Variants in SLC9A9 observed in about 807,000 individuals in gnomAD.
The protein encoded by SLC9A9 is sodium/hydrogen exchanger 9.
SLC9A9 carries 62 observed loss-of-function variants against 77.8 expected under a neutral mutation model. The observed-to-expected ratio is 0.80, with a 90% CI of 0.65 to 0.98. The LOEUF is 0.98. Among genes scored for constraint, SLC9A9 ranks in the 50% least tolerant of loss-of-function variants. The pLI is 0.00. For synonymous variants in SLC9A9, 320 were observed against 283.5 expected (o/e 1.13, Z -1.29); for missense variants, 775 against 774.9 (o/e 1.00, Z 0.00).
intron 6 of SLC9A9, among the ~76,000 whole-genome samples, chr3:143,641,281 T>C (rs2038616773): frequency 6.6e-6 from 1 of 152,102 alleles, no homozygotes; most frequent in African/African-American, 2.4e-5. Flanking sequence ...AGGTATTTTT[T>C]GCACAGTCTG....
chr3:143,765,240 C>T (rs940427048), intron 4 of SLC9A9, among the ~76,000 whole-genome samples: 10 of 150,652 alleles, frequency 6.6e-5, no homozygotes, highest in East Asian at 2.0e-4. Context: ...GGTTTCCCTA[C>T]GTTGCCCAGG....
chr3:143,417,569 GGAGA>G (rs148720976), intron 12 of SLC9A9, among the ~76,000 whole-genome samples: 3 of 150,878 alleles, frequency 2.0e-5, no homozygotes, highest in Admixed American at 1.3e-4. Flanking sequence ...AGGGATGGAT[GGAGA>G]GAGAGAGAGG....
At chr3:143,800,567 C>A (rs1297187675) in intron 2 of SLC9A9, among the ~76,000 whole-genome samples, 1 of 152,226 alleles carries the variant, frequency 6.6e-6, no homozygotes, top group African/African-American at 2.4e-5. Context: ...CCCTGCACCA[C>A]TTATCCCAGT....
At chr3:143,338,722 G>A (rs919416499) in intron 14 of SLC9A9, among the ~76,000 whole-genome samples, 8 of 152,146 alleles carry the variant, frequency 5.3e-5, no homozygotes, top group Non-Finnish European at 7.4e-5. Context: ...AAAGCTGCCT[G>A]GGGATTACAT....
At chr3:143,635,269 A>C (rs575414015) in intron 6 of SLC9A9, among the ~76,000 whole-genome samples, 42 of 152,302 alleles carry the variant, frequency 2.8e-4, no homozygotes, top group African/African-American at 1.0e-3. Flanking sequence ...GGGTTCCAAG[A>C]GTAAGTTCTC....
chr3:143,658,850 T>A (rs1290189398), intron 5 of SLC9A9, among the ~76,000 whole-genome samples: 1 of 152,214 alleles, frequency 6.6e-6, no homozygotes, highest in Non-Finnish European at 1.5e-5. Context: ...GGAAAATCAA[T>A]CCAGGTGGGG....
chr3:143,800,364 T>A (rs1421052560), intron 2 of SLC9A9, among the ~76,000 whole-genome samples: 1 of 152,156 alleles, frequency 6.6e-6, no homozygotes, highest in Non-Finnish European at 1.5e-5. Context: ...AAATTCTCCT[T>A]ACAATTCCCC....
intron 9 of SLC9A9, chr3:143,503,703 G>C (rs913096764): frequency 1.0e-5 from 4 of 382,608 alleles, no homozygotes; most frequent in African/African-American, 2.1e-5. Flanking sequence ...GTCTCCCGGA[G>C]CGGCCACCCA....
intron 5 of SLC9A9, among the ~76,000 whole-genome samples, chr3:143,661,498 C>A (rs1156766855): frequency 6.6e-6 from 1 of 152,176 alleles, no homozygotes; most frequent in Non-Finnish European, 1.5e-5. Flanking sequence ...AAGTGCTCCC[C>A]TCCTTTGTTT....
At chr3:143,597,562 T>C (rs2037777648) in intron 6 of SLC9A9, among the ~76,000 whole-genome samples, 1 of 152,166 alleles carries the variant, frequency 6.6e-6, no homozygotes, top group African/African-American at 2.4e-5. Context: ...TTAAGAAAGC[T>C]GTTGATGAGA....
chr3:143,388,342 A>T (rs1419313410), intron 12 of SLC9A9, among the ~76,000 whole-genome samples: 1 of 152,050 alleles, frequency 6.6e-6, no homozygotes, highest in East Asian at 1.9e-4. Context: ...AAGTGAAAAA[A>T]CTCAGTTCAT....
Position 143,795,038 on chromosome 3 carries a change from C to G in SLC9A9, c.496G>C (p.Ala166Pro). The change falls in exon 4 of 16, where the codon GCC becomes CCC. Residue 166 changes from alanine to proline, a missense_variant. By Grantham distance (27) the Ala-to-Pro change is conservative. Transcript: ENST00000316549. ...FQNLGSILTY[A>P]FLGTAISCIV... is the part of the protein sequence containing the mutation. ...CAGGAGATGGCAGTTCCCAAGAAGG[C>G]ATACGTTAAAATAGATCCTAAGTTT... 2 of 1,613,724 alleles carry G rather than the reference C, an allele frequency of 1.2e-6. No homozygotes were observed. Among genetic ancestry groups the G allele is most frequent in the Non-Finnish European group, 1.7e-6 (2 of 1,179,898 alleles).
chr3:143,476,369 G>A (rs765041094), intron 11 of SLC9A9, among the ~76,000 whole-genome samples: 3 of 152,204 alleles, frequency 2.0e-5, no homozygotes, highest in Admixed American at 2.0e-4. Context: ...AGGCTACTAA[G>A]AAGAAATGTG....
chr3:143,765,747 A>C (rs2007293456), intron 4 of SLC9A9, among the ~76,000 whole-genome samples: 1 of 152,208 alleles, frequency 6.6e-6, no homozygotes, highest in South Asian at 2.1e-4. Flanking sequence ...AAATGATTGC[A>C]TTAACAGCCC....
At chr3:143,298,143 G>T (rs2030359881) in intron 14 of SLC9A9, among the ~76,000 whole-genome samples, 1 of 152,204 alleles carries the variant, frequency 6.6e-6, no homozygotes, top group African/African-American at 2.4e-5. Context: ...ATTAGGTTTA[G>T]CCATTTGGAA....
chr3:143,398,542 TTA>T (rs1187839350), intron 12 of SLC9A9, among the ~76,000 whole-genome samples: 1 of 152,174 alleles, frequency 6.6e-6, no homozygotes, highest in Non-Finnish European at 1.5e-5. Context: ...GGATCTGAAG[TTA>T]TTGTAACACC....
intron 14 of SLC9A9, among the ~76,000 whole-genome samples, chr3:143,362,286 A>G (rs973373107): frequency 6.6e-6 from 1 of 152,216 alleles, no homozygotes; most frequent in Admixed American, 6.5e-5. Context: ...CAGAGCTATG[A>G]AAAAACAAAA....
At chr3:143,426,082 A>G (rs1432317978) in intron 12 of SLC9A9, among the ~76,000 whole-genome samples, 1 of 152,174 alleles carries the variant, frequency 6.6e-6, no homozygotes, top group East Asian at 1.9e-4. Flanking sequence ...AAGAACAGGC[A>G]GAAACTAGTA....
chr3:143,347,198 A>G (rs2032308510), intron 14 of SLC9A9: 1 of 152,128 alleles, frequency 6.6e-6, no homozygotes, highest in South Asian at 2.1e-4. Context: ...CATCCTAGCT[A>G]TATTTCATCA....
Sources: gnomAD v4.1 joint callset for allele counts (sites outside exome capture counted in the v4.1 genomes callset) on GRCh38, gnomAD v4.1.1 for gene constraint, MANE v1.5 for transcripts, NCBI Gene and HGNC (gene_info 2026-07-23, HGNC 2026-07-21) for gene names.